Variants in PITPNM2 observed in about 807,000 individuals in gnomAD.
PITPNM2 encodes the protein phosphatidylinositol transfer protein membrane associated 2.
A neutral mutation model predicts 132.2 loss-of-function variants in PITPNM2; 35 were observed. The ratio of observed to expected loss-of-function variants is 0.26; its 90% CI spans 0.20 to 0.35. PITPNM2 has a LOEUF of 0.35. Among genes scored for constraint, PITPNM2 ranks in the 10% least tolerant of loss-of-function variants. The pLI, the probability that PITPNM2 is intolerant of heterozygous loss-of-function variation, is 1.00. For missense variants in PITPNM2, 1,332 were observed against 1,912.0 expected (o/e 0.70, Z 5.66); for synonymous variants, 738 against 799.2 (o/e 0.92, Z 1.29).
At position 122,996,843 on chromosome 12, in the gene PITPNM2, G is replaced by C. The variant is rs1300570633; in HGVS notation, c.1540C>G (p.Leu514Val). 14 of 1,598,438 alleles carry C rather than the reference G, an allele frequency of 8.8e-6. No homozygotes were observed. The highest frequency in any genetic ancestry group is 1.1e-5 in the Non-Finnish European group (13 of 1,175,982). ...GGGGAGGAGGTGGCCAGCAGGGGGA[G>C]GGCAGCCAGGGGAATGTGGTCCTGA... ...SSQDHIPLAALPLLATSSPQY... is the reference protein window; with the variant it reads ...SSQDHIPLAAVPLLATSSPQY... Residue 514 changes from leucine to valine, a missense_variant, in exon 12 of 26, where the codon CTC becomes GTC. By Grantham distance (32) the Leu-to-Val change is conservative (BLOSUM62 1). Around this residue, in one of 6 missense-constraint regions of PITPNM2, gnomAD observed 710 missense variants for 911.5 expected, o/e 0.78. Coordinates refer to ENST00000320201, the MANE Select transcript of PITPNM2 (RefSeq NM_020845.3).
chr12:123,085,001 G>C (rs1406019627), intron 2 of PITPNM2, among the ~76,000 whole-genome samples: 1 of 152,214 alleles, frequency 6.6e-6, no homozygotes, highest in East Asian at 1.9e-4. Flanking sequence ...GGCCAAGTAT[G>C]GCTCTTAATA....
At position 123,078,215 on chromosome 12, in the gene PITPNM2, G is replaced by A. The variant is rs1456370723; in HGVS notation, c.-96+32170C>T. On this transcript the variant is annotated intron_variant, in intron 2 of 25. Coordinates refer to ENST00000320201, the MANE Select transcript of PITPNM2 (RefSeq NM_020845.3). The surrounding 1 kb of genome is among the most constrained non-coding windows in gnomAD (Gnocchi z 7.3). ...GCTGGCAGAGCCCAAGGCGGGCGGAGGAGCCATATGCCAGAGGGAAGGCAT... is the reference window on the plus strand; with the variant it reads ...GCTGGCAGAGCCCAAGGCGGGCGGAAGAGCCATATGCCAGAGGGAAGGCAT... Among the ~76,000 whole-genome samples, 1 of 152,204 alleles carries A rather than the reference G, an allele frequency of 6.6e-6. No homozygotes were observed. The highest frequency in any genetic ancestry group is 6.5e-5 in the Admixed American group (1 of 15,278).
Position 123,138,722 on chromosome 12 carries a change from C to T in PITPNM2, c.-200+12031G>A, listed in dbSNP as rs557743575. ...TGACTGCCAATGGGTGTAGGGTCTC[C>T]TTCTGGAGTGATGAAAGTGTTCTGG... On this transcript the variant is annotated intron_variant, in intron 1 of 25. Coordinates refer to ENST00000320201, the MANE Select transcript of PITPNM2 (RefSeq NM_020845.3). Among the ~76,000 whole-genome samples the T allele has an allele frequency of 7.2e-5, 11 of 152,240 alleles. No individual in the cohort carries two copies. In the South Asian group the frequency reaches 2.3e-3, roughly 32 times the overall value.
rs189938770 is a variant in PITPNM2 at position 123,120,084 on chromosome 12, C to A, written c.-199-9596G>T. ...GGTTTTGCTGCATAGCCGACAAGGG[C>A]TTTCTGAGGGCACACCTGCAGCAAA... is the stretch of plus-strand genomic sequence containing the variant. On this transcript the variant is annotated intron_variant, in intron 1 of 25. Coordinates refer to ENST00000320201, the MANE Select transcript of PITPNM2 (RefSeq NM_020845.3). 3.3e-5 allele frequency among the ~76,000 whole-genome samples: 5 copies of A among 152,264 alleles called. No homozygotes were observed. The East Asian group carries it at 9.7e-4, about 29-fold the overall frequency.
intron 3 of PITPNM2, among the ~76,000 whole-genome samples, chr12:123,028,042 G>A (rs988250473): frequency 3.9e-5 from 6 of 152,238 alleles, no homozygotes; most frequent in Non-Finnish European, 8.8e-5. Flanking sequence ...CAGTTGGACA[G>A]CAGAGACAGG....
rs530853275 is a variant in PITPNM2, at chr12:123,097,022, ATTAT to A, written c.-96+13359_-96+13362del. On this transcript the variant is annotated intron_variant, in intron 2 of 25. Coordinates refer to ENST00000320201, the MANE Select transcript of PITPNM2 (RefSeq NM_020845.3). This position sits in a 1 kb window ranked among gnomAD's most constrained non-coding sequence, Gnocchi z 4.7. ...CCTGCCATCTCTCTTTATTTTTATT[ATTAT>A]TTATTTATTTATTTATTTTTAATTT... 5.3e-5 allele frequency among the ~76,000 whole-genome samples: 8 copies of A among 151,706 alleles called. No individual in the cohort carries two copies. Among genetic ancestry groups the A allele is most frequent in the Non-Finnish European group, 1.0e-4 (7 of 67,954 alleles).
intron 21 of PITPNM2, 55 bp downstream of exon 21, chr12:122,987,730 C>T (rs192297961): frequency 1.2e-6 from 2 of 1,612,208 alleles, no homozygotes; most frequent in Non-Finnish European, 8.5e-7. Context: ...GGCCAGAGGG[C>T]AGCAGGGAGC....
intron 2 of PITPNM2, among the ~76,000 whole-genome samples, chr12:123,073,299 T>C (rs1353633658): frequency 2.6e-5 from 4 of 152,170 alleles, no homozygotes; most frequent in Non-Finnish European, 5.9e-5. Flanking sequence ...AAAGCAGCAA[T>C]TGCTTCCCTT....
In PITPNM2 at chr12:123,012,699, T is replaced by A. The variant is rs1566247032; in HGVS notation, c.329A>T (p.Asp110Val). The stretch of plus-strand genomic sequence containing the variant: ...ATCAGTTTTATAAAAGGTTTCAATG[T>A]CGATGGAGAATTTCTCCACGAAAGG... ...TCPFVEKFSI[D>V]IETFYKTDAG... Residue 110 changes from aspartate to valine, a missense_variant, in exon 5 of 26, where the codon GAC (aspartate) becomes GTC (valine). Physicochemically the swap from Asp to Val is radical, Grantham distance 152 (BLOSUM62 -3). Coordinates refer to ENST00000320201, the MANE Select transcript of PITPNM2 (RefSeq NM_020845.3). The A allele has an allele frequency of 1.2e-6, 2 of 1,614,126 alleles. No individual in the cohort carries two copies. Among genetic ancestry groups the A allele is most frequent in the Non-Finnish European group, 1.7e-6 (2 of 1,179,996 alleles).
rs1292003489 is a variant in PITPNM2 at position 123,111,015 on chromosome 12, G to A, written c.-199-527C>T. Among the ~76,000 whole-genome samples the A allele has an allele frequency of 6.6e-6, 1 of 152,220 alleles. No individual in the cohort carries two copies. Among genetic ancestry groups the A allele is most frequent in the Non-Finnish European group, 1.5e-5 (1 of 68,038 alleles). ...CCTTCCAGCAAGCCCCTCCAGCTGG[G>A]CAGAGTGTGATCTGACTACCCAGAG... On this transcript the variant is annotated intron_variant, in intron 1 of 25. Transcript: ENST00000320201. This position sits in a 1 kb window ranked among gnomAD's most constrained non-coding sequence, Gnocchi z 4.1.
Position 123,097,409 on chromosome 12 carries a change from C to T in PITPNM2, c.-96+12976G>A, listed in dbSNP as rs2042439319. Among the ~76,000 whole-genome samples, 1 of 152,200 alleles carries T rather than the reference C, an allele frequency of 6.6e-6. No individual in the cohort carries two copies. On this transcript the variant is annotated intron_variant, in intron 2 of 25. Transcript: ENST00000320201. The surrounding 1 kb of genome is among the most constrained non-coding windows in gnomAD (Gnocchi z 4.7). ...GAAAGACTTTCAGCAGCCCACTTTT[C>T]TGCACAGTCCTCAAGAGGCCAGCAC...
chr12:123,143,903 T>C (rs1183706605), intron 1 of PITPNM2, among the ~76,000 whole-genome samples: 2 of 152,162 alleles, frequency 1.3e-5, no homozygotes, highest in Non-Finnish European at 2.9e-5. Context: ...TTAAGTACCA[T>C]CAGCATTGTG....
chr12:123,092,060 G>T (rs765648022), intron 2 of PITPNM2: 3 of 152,436 alleles, frequency 2.0e-5, no homozygotes, highest in Non-Finnish European at 4.4e-5. Flanking sequence ...GGGATCCCTG[G>T]AGTAAGGTGG....
upstream of PITPNM2, among the ~76,000 whole-genome samples, chr12:123,151,725 G>C (rs907684758): frequency 2.0e-5 from 3 of 152,272 alleles, no homozygotes; most frequent in Non-Finnish European, 2.9e-5. Context: ...AGCCCCCGGT[G>C]GGGGAGCGCC....
At position 123,034,548 on chromosome 12, in the gene PITPNM2, C is replaced by G; in HGVS notation, c.43G>C (p.Glu15Gln). ...EYRIPLPMTV[E>Q]EYRIAQLYMI... ...TACAGCTGGGCGATGCGGTACTCCT[C>G]CACGGTCATTGGCAGAGGAATCCGA... is the stretch of plus-strand genomic sequence containing the variant. Residue 15 changes from glutamate (E) to glutamine (Q), a missense_variant, in exon 3 of 26, where the codon GAG becomes CAG. Physicochemically the swap from Glu to Gln is conservative, Grantham distance 29. This residue lies in a region of PITPNM2 where 83 missense variants were observed against 118.7 expected (regional missense o/e 0.70). Transcript: ENST00000320201. The G allele has an allele frequency of 1.9e-6, 3 of 1,614,232 alleles. No homozygotes were observed. The highest frequency in any genetic ancestry group is 2.2e-5 in the South Asian group (2 of 91,090).
intron 5 of PITPNM2, among the ~76,000 whole-genome samples, chr12:123,011,433 G>C (rs968082692): frequency 1.3e-5 from 2 of 152,198 alleles, no homozygotes; most frequent in Non-Finnish European, 2.9e-5. Context: ...CATGGCAGCT[G>C]GCCTCAGAGG....
intron 2 of PITPNM2, among the ~76,000 whole-genome samples, chr12:123,062,953 T>C (rs1021568176): frequency 3.9e-5 from 6 of 152,206 alleles, no homozygotes; most frequent in Non-Finnish European, 8.8e-5. Flanking sequence ...CCTGTGACCT[T>C]GGGGAACACA....
At chr12:123,001,384 C>T (rs1170025993) in intron 8 of PITPNM2, among the ~76,000 whole-genome samples, 2 of 152,232 alleles carry the variant, frequency 1.3e-5, no homozygotes, top group East Asian at 1.9e-4. Flanking sequence ...ATTCACAGTG[C>T]CCTGCAACCA....
intron 1 of PITPNM2, among the ~76,000 whole-genome samples, chr12:123,133,851 A>G (rs1043409311): frequency 1.3e-5 from 2 of 151,834 alleles, no homozygotes; most frequent in Non-Finnish European, 2.9e-5. Context: ...TACACGAAAA[A>G]GTTTGCTCAA....
Sources: gnomAD v4.1 joint callset for allele counts (sites outside exome capture counted in the v4.1 genomes callset) on GRCh38, gnomAD v4.1.1 for gene constraint, gnomAD v4.1.1 regional missense constraint, Gnocchi (gnomAD v3.1) non-coding constraint, MANE v1.5 for transcripts, NCBI Gene and HGNC (gene_info 2026-07-23, HGNC 2026-07-21) for gene names.